The following ARID4B variants were observed in gnomAD, a reference collection of about 807,000 sequenced individuals.
ARID4B encodes the protein AT-rich interactive domain-containing protein 4B.
Under a neutral mutation model 147.5 loss-of-function variants are expected in ARID4B, and 26 were observed. The observed-to-expected ratio is 0.18, with a 90% CI of 0.13 to 0.24. The LOEUF is 0.24. Ranked by LOEUF, ARID4B falls within the 10% of genes least tolerant of loss-of-function variation. The pLI is 1.00. For missense variants in ARID4B, 1,179 were observed against 1,511.5 expected (o/e 0.78, Z 3.65); for synonymous variants, 512 against 507.9 (o/e 1.01, Z -0.11).
At chr1:235,314,204 A>C (rs1674276273) in intron 2 of ARID4B, among the ~76,000 whole-genome samples, 1 of 152,164 alleles carries the variant, frequency 6.6e-6, no homozygotes, top group Admixed American at 6.6e-5. Flanking sequence ...AATCCCAAAC[A>C]GTCTTGATTA....
intron 2 of ARID4B, among the ~76,000 whole-genome samples, chr1:235,288,466 CAT>C (rs1675581685): frequency 6.6e-6 from 1 of 152,176 alleles, no homozygotes; most frequent in Admixed American, 6.5e-5. Flanking sequence ...TCTATTTTTA[CAT>C]AACTGGTACT....
intron 17 of ARID4B, among the ~76,000 whole-genome samples, chr1:235,201,285 T>A (rs561974881): frequency 6.6e-6 from 1 of 152,068 alleles, no homozygotes; most frequent in Admixed American, 6.5e-5. Flanking sequence ...AAGTAAGATA[T>A]CTATTCATCC....
At position 235,187,135 on chromosome 1, in the gene ARID4B, G is replaced by A. The variant is rs186007455; in HGVS notation, c.2126-4342C>T. 176 of 333,160 alleles carry A rather than the reference G, an allele frequency of 5.3e-4. 1 individual carries two copies. The highest frequency in any genetic ancestry group is 4.2e-3 in the African/African-American group (170 of 40,182). The allele number at this position is 333,160 out of a possible 1,614,324, so 20.6% of individuals were successfully genotyped here. A position where few individuals can be genotyped will look rare whatever the true frequency, so the allele number is the denominator to read the frequency against. The stretch of plus-strand genomic sequence containing the variant: ...TCACTCCTGTTACCCAGGCTGGAGC[G>A]CAATGGCGTGATCTCAGCTCACCGC... On this transcript the variant is annotated intron_variant, in intron 19 of 23. Transcript: ENST00000264183.
rs773564753 is a variant in ARID4B at position 235,231,106 on chromosome 1, T to C, written c.742+7A>G. 5.1e-6 allele frequency: 8 copies of C among 1,553,780 alleles called. No homozygotes were observed. The highest frequency in any genetic ancestry group is 6.1e-6 in the Non-Finnish European group (7 of 1,145,486). On this transcript the variant is annotated splice_region_variant and intron_variant, in intron 10 of 23. Transcript: ENST00000264183. ...GTACTTGTAATTTATTCCAAGATTA[T>C]CCTTACCTTGCTTTAAAACAGCATC...
intron 2 of ARID4B, among the ~76,000 whole-genome samples, chr1:235,314,655 G>C (rs978018008): frequency 6.6e-6 from 1 of 152,082 alleles, no homozygotes; most frequent in Non-Finnish European, 1.5e-5. Flanking sequence ...AGCAGGAAAA[G>C]AAAGGTTAGA....
At chr1:235,290,125 T>C (rs1377687205) in intron 2 of ARID4B, among the ~76,000 whole-genome samples, 1 of 151,992 alleles carries the variant, frequency 6.6e-6, no homozygotes, top group African/African-American at 2.4e-5. Context: ...AGGTAAGTTA[T>C]GGGAAAATGT....
intron 2 of ARID4B, among the ~76,000 whole-genome samples, chr1:235,293,918 T>C (rs1672502114): frequency 6.6e-6 from 1 of 152,232 alleles, no homozygotes; most frequent in Non-Finnish European, 1.5e-5. Flanking sequence ...TCTGACTTTA[T>C]GTCAGAAATT....
intron 17 of ARID4B, among the ~76,000 whole-genome samples, chr1:235,203,843 A>T (rs919364390): frequency 4.6e-5 from 7 of 152,198 alleles, no homozygotes; most frequent in African/African-American, 1.4e-4. Context: ...AATCATTATT[A>T]ATTATAAACT....
chr1:235,282,566 G>C (rs1671728285), intron 2 of ARID4B, among the ~76,000 whole-genome samples: 1 of 152,070 alleles, frequency 6.6e-6, no homozygotes, highest in Non-Finnish European at 1.5e-5. Context: ...CCATAACACT[G>C]TTTCTGTGGA....
At chr1:235,170,322 T>C (rs1193315156) in intron 23 of ARID4B, among the ~76,000 whole-genome samples, 1 of 152,214 alleles carries the variant, frequency 6.6e-6, no homozygotes, top group Non-Finnish European at 1.5e-5. Flanking sequence ...CCACAAAGCC[T>C]AACATATTTA....
chr1:235,202,944 A>AT (rs1666053155), intron 17 of ARID4B, among the ~76,000 whole-genome samples: 1 of 152,220 alleles, frequency 6.6e-6, no homozygotes, highest in African/African-American at 2.4e-5. Context: ...TTATGTAATA[A>AT]CAGAGTCTGC....
chr1:235,327,323 CG>C (rs1675366664), intron 1 of ARID4B: 1 of 154,324 alleles, frequency 6.5e-6, no homozygotes, highest in Admixed American at 6.5e-5. Flanking sequence ...AGCGAATCCG[CG>C]CCCCCACGCG....
At chr1:235,254,775 C>G (rs1442084546) in intron 5 of ARID4B, among the ~76,000 whole-genome samples, 1 of 151,866 alleles carries the variant, frequency 6.6e-6, no homozygotes, top group Non-Finnish European at 1.5e-5. Flanking sequence ...GCCAGCAACT[C>G]AAAACGGAGA....
At chr1:235,232,746 CAATTT>C (rs757211415) in intron 9 of ARID4B, among the ~76,000 whole-genome samples, 1 of 152,138 alleles carries the variant, frequency 6.6e-6, no homozygotes, top group East Asian at 1.9e-4. Context: ...TACCCCCCAA[CAATTT>C]AATATTAAGT....
rs1422921205 is a variant in ARID4B, at chr1:235,173,775, T to TATATATATAG, written c.3665-1012_3665-1011insCTATATATAT. Among the ~76,000 whole-genome samples the TATATATATAG allele has an allele frequency of 4.5e-4, 10 of 22,186 alleles. 1 individual carries two copies. Among genetic ancestry groups the TATATATATAG allele is most frequent in the Admixed American group, 1.4e-3 (2 of 1,394 alleles). The allele number at this position is 22,186 out of a possible 152,430, so 14.6% of individuals were successfully genotyped here. ...AAAAAAAAAAAAAAAAAAAAAAATA[T>TATATATATAG]ATATATATATATATATATATATATA... On this transcript the variant is annotated intron_variant, in intron 22 of 23. Transcript: ENST00000264183.
At chr1:235,277,344 A>G (rs7537903) in intron 2 of ARID4B, among the ~76,000 whole-genome samples, 1,559 of 152,228 alleles carry the variant, frequency 0.01, 25 homozygotes, top group African/African-American at 0.033. Flanking sequence ...GTTCAAGACC[A>G]GCCTGACCAA....
intron 6 of ARID4B, among the ~76,000 whole-genome samples, chr1:235,251,679 CAAAT>C (rs1389398811): frequency 2.7e-5 from 4 of 150,918 alleles, no homozygotes; most frequent in South Asian, 2.1e-4. Context: ...TAAATAATAA[CAAAT>C]AAGTAATATT....
At chr1:235,289,743 C>T (rs914052252) in intron 2 of ARID4B, among the ~76,000 whole-genome samples, 1 of 147,394 alleles carries the variant, frequency 6.8e-6, no homozygotes, top group Non-Finnish European at 1.5e-5. Context: ...AAAAAAAAAG[C>T]CAACCATTCA....
At chr1:235,283,730 T>C in intron 2 of ARID4B, among the ~76,000 whole-genome samples, 1 of 152,140 alleles carries the variant, frequency 6.6e-6, no homozygotes, top group East Asian at 1.9e-4. Flanking sequence ...ACCAATCCTT[T>C]ATTTACTTAT....
Sources: allele counts gnomAD v4.1 joint callset (sites outside exome capture counted in the v4.1 genomes callset), GRCh38; gene constraint gnomAD v4.1.1; transcripts MANE v1.5; gene names NCBI Gene and HGNC (gene_info 2026-07-23, HGNC 2026-07-21).